Variants in CACNA1C observed in about 807,000 individuals in gnomAD.
CACNA1C encodes the protein voltage-dependent L-type calcium channel subunit alpha-1C.
A neutral mutation model predicts 229.0 loss-of-function variants in CACNA1C; 30 were observed. That is an observed-to-expected ratio of 0.13 (90% CI 0.10 to 0.18). The LOEUF is 0.18. Ranked by LOEUF, CACNA1C falls within the 10% of genes least tolerant of loss-of-function variation. The pLI, the probability that CACNA1C is intolerant of heterozygous loss-of-function variation, is 1.00. For synonymous variants in CACNA1C, 1,114 were observed against 1,132.5 expected (o/e 0.98, Z 0.33); for missense variants, 1,658 against 2,845.0 (o/e 0.58, Z 9.49).
In CACNA1C at chr12:2,612,017, G is replaced by A; in HGVS notation, c.3828+4G>A. 6.4e-7 allele frequency: 1 copy of A among 1,553,236 alleles called. No homozygotes were observed. The highest frequency in any genetic ancestry group is 8.9e-7 in the Non-Finnish European group (1 of 1,124,786). ...GCTCATTGCCTTCAAACCCAAGGTA[G>A]GCCTCTGAGAAAGACCTTTGATTCC... On this transcript the variant is annotated splice_donor_region_variant and intron_variant, in intron 29 of 46. Coordinates refer to ENST00000399655, the MANE Select transcript of CACNA1C (RefSeq NM_000719.7).
Position 2,665,335 on chromosome 12 carries a change from C to T in CACNA1C, c.4399-246C>T, listed in dbSNP as rs1355874582. ...TAAAGTCCCCCTCTGTCCTGCACAG[C>T]CCTGCCCAGCAGCTCGGTAGGAGGG... is the stretch of plus-strand genomic sequence containing the variant. On this transcript the variant is annotated intron_variant, in intron 35 of 46. Transcript: ENST00000399655. The surrounding 1 kb of genome is among the most constrained non-coding windows in gnomAD (Gnocchi z 5.9). 6.6e-6 allele frequency among the ~76,000 whole-genome samples: 1 copy of T among 152,214 alleles called. No homozygotes were observed. The highest frequency in any genetic ancestry group is 1.9e-4 in the East Asian group (1 of 5,192).
intron 1 of CACNA1C, among the ~76,000 whole-genome samples, chr12:2,081,988 C>T (rs2065818045): frequency 6.6e-6 from 1 of 151,808 alleles, no homozygotes; most frequent in African/African-American, 2.4e-5. Context: ...TCACAGCAAC[C>T]GTATGAAAAA....
intron 1 of CACNA1C, among the ~76,000 whole-genome samples, chr12:2,035,599 C>G (rs990868740): frequency 2.0e-5 from 3 of 152,354 alleles, no homozygotes; most frequent in Admixed American, 6.5e-5. Flanking sequence ...TGTAAGTGCG[C>G]GGACTCATCT....
At chr12:2,211,684 C>T (rs1299875861) in intron 3 of CACNA1C, among the ~76,000 whole-genome samples, 16 of 150,694 alleles carry the variant, frequency 1.1e-4, no homozygotes, top group Admixed American at 1.1e-3. Context: ...TTTGGCTCCT[C>T]CTTTCTTTCA....
intron 18 of CACNA1C, among the ~76,000 whole-genome samples, chr12:2,590,560 G>A (rs1235408236): frequency 6.6e-6 from 1 of 152,158 alleles, no homozygotes; most frequent in Non-Finnish European, 1.5e-5. Flanking sequence ...ACAAATCTGA[G>A]TTTGTCCTTC....
intron 3 of CACNA1C, among the ~76,000 whole-genome samples, chr12:2,361,495 A>G (rs2097557081): frequency 6.6e-6 from 1 of 151,694 alleles, no homozygotes; most frequent in African/African-American, 2.4e-5. Context: ...TCCTCCCTTC[A>G]TTTCTCCTTC....
At chr12:2,040,767 GGTAA>G (rs2049944381) in intron 1 of CACNA1C, among the ~76,000 whole-genome samples, 1 of 152,172 alleles carries the variant, frequency 6.6e-6, no homozygotes. Context: ...CCATCTTTGT[GGTAA>G]TAAGTACCCT....
chr12:2,057,218 CA>C, intron 1 of CACNA1C, among the ~76,000 whole-genome samples: 1 of 152,346 alleles, frequency 6.6e-6, no homozygotes, highest in Non-Finnish European at 1.5e-5. Flanking sequence ...ATCCAAGGAG[CA>C]TACTGACTGG....
intron 3 of CACNA1C, among the ~76,000 whole-genome samples, chr12:2,439,508 C>G (rs1373926115): frequency 2.0e-5 from 3 of 152,132 alleles, no homozygotes; most frequent in African/African-American, 7.2e-5. Context: ...GAGGCGTGCA[C>G]AGGGCTAGTG....
In CACNA1C at chr12:2,678,007, C is replaced by G; in HGVS notation, c.5091+140C>G. On this transcript the variant is annotated intron_variant, in intron 41 of 46. Transcript: ENST00000399655. The surrounding 1 kb of genome is among the most constrained non-coding windows in gnomAD (Gnocchi z 4.1). The stretch of plus-strand genomic sequence containing the variant: ...CTACTTCCAGGCTCTTCCTGATGAG[C>G]TGTCTCCTCACCCCTTTGCCTTTTC... The G allele has an allele frequency of 1.0e-6, 1 of 968,098 alleles. No homozygotes were observed. The highest frequency in any genetic ancestry group is 1.5e-6 in the Non-Finnish European group (1 of 646,014). The allele number at this position is 968,098 out of a possible 1,614,324, so 60.0% of individuals were successfully genotyped here.
In CACNA1C at chr12:2,602,755, G is replaced by A. The variant is rs2073342768; in HGVS notation, c.2960+795G>A. Among the ~76,000 whole-genome samples the A allele has an allele frequency of 6.6e-6, 1 of 151,970 alleles. No individual in the cohort carries two copies. The highest frequency in any genetic ancestry group is 1.5e-5 in the Non-Finnish European group (1 of 68,008). On this transcript the variant is annotated intron_variant, in intron 22 of 46. Transcript: ENST00000399655. The surrounding 1 kb of genome is among the most constrained non-coding windows in gnomAD (Gnocchi z 4.4). ...GTGACTCCCCTGTACAGCCAAGCTT[G>A]CAGTCCTCGTTCAGGTGTGGAGGAT...
At chr12:2,268,671 G>A (rs1379886134) in intron 3 of CACNA1C, among the ~76,000 whole-genome samples, 1 of 152,142 alleles carries the variant, frequency 6.6e-6, no homozygotes, top group Non-Finnish European at 1.5e-5. Flanking sequence ...CTGAGCCTGG[G>A]AGCATCGTGG....
intron 3 of CACNA1C, among the ~76,000 whole-genome samples, chr12:2,120,687 TGTGTG>T (rs2086248254): frequency 6.6e-6 from 1 of 151,234 alleles, no homozygotes; most frequent in African/African-American, 2.4e-5. Flanking sequence ...TGTGTGTGTG[TGTGTG>T]TGTGTTTAGT....
intron 3 of CACNA1C, among the ~76,000 whole-genome samples, chr12:2,209,337 G>C (rs2097851414): frequency 6.6e-6 from 1 of 152,184 alleles, no homozygotes; most frequent in Admixed American, 6.5e-5. Context: ...GAACAAAGGA[G>C]TGGGAAGGGG....
chr12:2,627,394 A>G (rs1307605566), intron 29 of CACNA1C, among the ~76,000 whole-genome samples: 2 of 151,970 alleles, frequency 1.3e-5, no homozygotes, highest in Non-Finnish European at 2.9e-5. Flanking sequence ...AATGGGATCA[A>G]CTCTGCATAG....
intron 29 of CACNA1C, among the ~76,000 whole-genome samples, chr12:2,620,051 A>G (rs1269862632): frequency 6.6e-6 from 1 of 152,216 alleles, no homozygotes; most frequent in Admixed American, 6.5e-5. Context: ...ACTGGAGGGA[A>G]GCAAACAACA....
intron 1 of CACNA1C, among the ~76,000 whole-genome samples, chr12:2,038,238 T>C (rs1192879251): frequency 1.3e-5 from 2 of 152,192 alleles, no homozygotes; most frequent in Non-Finnish European, 2.9e-5. Flanking sequence ...TAAAATAGGG[T>C]ACTTAATGAA....
At chr12:2,118,099 A>T (rs963501724) in intron 2 of CACNA1C, among the ~76,000 whole-genome samples, 1 of 152,200 alleles carries the variant, frequency 6.6e-6, no homozygotes, top group Non-Finnish European at 1.5e-5. Flanking sequence ...TTTACACATG[A>T]TCTTCTCTGG....
intron 38 of CACNA1C, among the ~76,000 whole-genome samples, chr12:2,671,260 G>A (rs904089723): frequency 1.3e-5 from 2 of 152,126 alleles, no homozygotes; most frequent in African/African-American, 4.8e-5. Context: ...TGATCTGCCC[G>A]ACTGGGCCTC....
Sources: gnomAD v4.1 joint callset for allele counts (sites outside exome capture counted in the v4.1 genomes callset) on GRCh38, gnomAD v4.1.1 for gene constraint, Gnocchi (gnomAD v3.1) non-coding constraint, MANE v1.5 for transcripts, NCBI Gene and HGNC (gene_info 2026-07-23, HGNC 2026-07-21) for gene names.